Variants in NDST4 observed in about 807,000 individuals in gnomAD.
NDST4 encodes N-deacetylase and N-sulfotransferase 4.
NDST4 carries 63 observed loss-of-function variants against 100.8 expected under a neutral mutation model. The ratio of observed to expected loss-of-function variants is 0.62; its 90% CI spans 0.51 to 0.77. The LOEUF (loss-of-function observed/expected upper bound fraction) is 0.77, where lower values mean the gene tolerates loss of function less well. NDST4 is among the 30% of genes least tolerant of loss of function. The pLI is 0.00. For synonymous variants in NDST4, 377 were observed against 361.8 expected, an observed-to-expected ratio of 1.04 and a Z score of -0.48; for missense variants, 943 against 1,018.4, an observed-to-expected ratio of 0.93 and a Z score of 1.01.
At chr4:114,850,366 A>T (rs1053574182) in intron 8 of NDST4, among the ~76,000 whole-genome samples, 1 of 152,096 alleles carries the variant, frequency 6.6e-6, no homozygotes, top group African/African-American at 2.4e-5. Flanking sequence ...CCAGGACCTT[A>T]AGGGACATCA....
chr4:114,840,560 G>T (rs1645381525), intron 10 of NDST4, among the ~76,000 whole-genome samples: 1 of 152,186 alleles, frequency 6.6e-6, no homozygotes, highest in Admixed American at 6.5e-5. Flanking sequence ...TTCAACGGTT[G>T]AAGCTTTCAA....
chr4:115,086,770 A>G (rs939078677), intron 1 of NDST4, among the ~76,000 whole-genome samples: 1 of 152,118 alleles, frequency 6.6e-6, no homozygotes, highest in Non-Finnish European at 1.5e-5. Context: ...AAGAAAGGAC[A>G]TGATTTTTTA....
At chr4:115,038,331 A>G (rs74959996) in intron 2 of NDST4, among the ~76,000 whole-genome samples, 14,972 of 152,126 alleles carry the variant, frequency 0.098, 2,284 homozygotes, top group African/African-American at 0.32. Context: ...AGTGACAGCC[A>G]AAAGGAGAAA....
chr4:115,082,696 A>G (rs1729327301), intron 1 of NDST4, among the ~76,000 whole-genome samples: 1 of 152,208 alleles, frequency 6.6e-6, no homozygotes, highest in Admixed American at 6.5e-5. Context: ...TATTTTTAAA[A>G]TGACAAAATT....
At chr4:115,026,545 T>G (rs1727989057) in intron 2 of NDST4, among the ~76,000 whole-genome samples, 1 of 152,106 alleles carries the variant, frequency 6.6e-6, no homozygotes, top group Non-Finnish European at 1.5e-5. Flanking sequence ...AAATCACAGT[T>G]AAAGAAAAAA....
chr4:115,024,019 C>T (rs143724406), intron 2 of NDST4, among the ~76,000 whole-genome samples: 223 of 152,240 alleles, frequency 1.5e-3, no homozygotes, highest in African/African-American at 5.2e-3. Flanking sequence ...TACAAGTTGG[C>T]AGTGACCATA....
intron 2 of NDST4, among the ~76,000 whole-genome samples, chr4:115,061,172 G>C (rs531293681): frequency 2.6e-4 from 40 of 152,258 alleles, no homozygotes; most frequent in African/African-American, 7.7e-4. Context: ...TACACTGTTG[G>C]TGGGAGTGTA....
intron 4 of NDST4, among the ~76,000 whole-genome samples, chr4:114,941,188 T>C (rs1429188006): frequency 3.3e-5 from 5 of 152,196 alleles, no homozygotes; most frequent in Non-Finnish European, 4.4e-5. Context: ...GACTGGATGC[T>C]GCTCTAAAAT....
intron 7 of NDST4, among the ~76,000 whole-genome samples, chr4:114,867,665 C>CAAAAAAAAAAAAAAAAAAGAAAAAAAAAA: frequency 1.3e-5 from 1 of 79,902 alleles, no homozygotes; most frequent in Admixed American, 1.8e-4. Flanking sequence ...AAAAAAAAAG[C>CAAAAAAAAAAAAAAAAAAGAAAAAAAAAA]AAAAAAAAAA....
chr4:114,967,168 T>C (rs1041644239), intron 4 of NDST4, among the ~76,000 whole-genome samples: 3 of 152,096 alleles, frequency 2.0e-5, no homozygotes, highest in Non-Finnish European at 2.9e-5. Flanking sequence ...TGTCATGTTA[T>C]GTTGACAATA....
At position 114,962,345 on chromosome 4, in the gene NDST4, T is replaced by C. The variant is rs141688887; in HGVS notation, c.1221+8085A>G. Among the ~76,000 whole-genome samples, 658 of 147,550 alleles carry C rather than the reference T, an allele frequency of 4.5e-3. 7 individuals carry two copies. Among genetic ancestry groups the C allele is most frequent in the Non-Finnish European group, 7.1e-3 (470 of 66,010 alleles). On this transcript the variant is annotated intron_variant, in intron 4 of 13. Transcript: ENST00000264363. ...TAAAATAAAATAAAATATAGCCAGA[T>C]TGAGGATGAAGAAGTAAAAGTATTT...
chr4:114,852,021 T>G (rs1723688550), intron 8 of NDST4, among the ~76,000 whole-genome samples: 1 of 152,178 alleles, frequency 6.6e-6, no homozygotes, highest in Non-Finnish European at 1.5e-5. Context: ...AATAAAACTT[T>G]AATTAATCAG....
chr4:114,905,817 T>C (rs2126212160), intron 6 of NDST4, among the ~76,000 whole-genome samples: 1 of 152,128 alleles, frequency 6.6e-6, no homozygotes, highest in African/African-American at 2.4e-5. Context: ...GTATCAGCTG[T>C]TTTTTACCTT....
At chr4:115,021,668 A>G (rs1051340544) in intron 2 of NDST4, among the ~76,000 whole-genome samples, 3 of 144,844 alleles carry the variant, frequency 2.1e-5, no homozygotes, top group Non-Finnish European at 3.1e-5. Context: ...CACGTTCCAC[A>G]TATACACATT....
intron 11 of NDST4, among the ~76,000 whole-genome samples, chr4:114,837,835 A>G (rs1263944331): frequency 6.6e-6 from 1 of 152,232 alleles, no homozygotes; most frequent in Non-Finnish European, 1.5e-5. Flanking sequence ...ATGGGATCTA[A>G]TTAAACTAAA....
chr4:114,929,665 G>T (rs1186053097), intron 6 of NDST4, among the ~76,000 whole-genome samples: 2 of 152,154 alleles, frequency 1.3e-5, no homozygotes, highest in African/African-American at 4.8e-5. Context: ...ACTTTTTAAA[G>T]TGAGATTTAT....
At chr4:115,111,478 T>A (rs910474878) in intron 1 of NDST4, among the ~76,000 whole-genome samples, 1 of 151,744 alleles carries the variant, frequency 6.6e-6, no homozygotes, top group South Asian at 2.1e-4. Context: ...TACTTCCTTT[T>A]GATGTTTAGG....
intron 2 of NDST4, among the ~76,000 whole-genome samples, chr4:115,060,487 A>T (rs1465861803): frequency 6.6e-6 from 1 of 152,032 alleles, no homozygotes; most frequent in African/African-American, 2.4e-5. Context: ...ATCAAAATTA[A>T]AATTTAAAAT....
chr4:114,857,267 G>A (rs1723817638), intron 7 of NDST4, among the ~76,000 whole-genome samples: 1 of 152,202 alleles, frequency 6.6e-6, no homozygotes, highest in South Asian at 2.1e-4. Context: ...TGCTATGGAA[G>A]AGAGTGTTTG....
Sources: allele counts gnomAD v4.1 joint callset (sites outside exome capture counted in the v4.1 genomes callset), GRCh38; gene constraint gnomAD v4.1.1; transcripts MANE v1.5; gene names NCBI Gene and HGNC (gene_info 2026-07-23, HGNC 2026-07-21).